FILIP1: variants seen among roughly 807,000 people sequenced by gnomAD.
The protein encoded by FILIP1 is filamin A interacting protein 1, also known as filamin-A-interacting protein 1.
In FILIP1, 61 loss-of-function variants were observed where a neutral mutation model predicts 102.1. That is an observed-to-expected ratio of 0.60 (90% CI 0.49 to 0.74). FILIP1 has a LOEUF of 0.74. Among genes scored for constraint, FILIP1 ranks in the 30% least tolerant of loss-of-function variants. The pLI, the probability that FILIP1 is intolerant of heterozygous loss-of-function variation, is 0.00. For synonymous variants in FILIP1, 491 were observed against 526.9 expected (o/e 0.93, Z 0.93); for missense variants, 1,314 against 1,441.2 (o/e 0.91, Z 1.43).
intron 2 of FILIP1, among the ~76,000 whole-genome samples, chr6:75,403,748 A>AT (rs1189393734): frequency 1.3e-5 from 2 of 152,138 alleles, no homozygotes; most frequent in Admixed American, 6.6e-5. Context: ...TAAGAGGGAG[A>AT]TTTTTCAGAC....
At chr6:75,434,106 G>C (rs1050022142) in intron 1 of FILIP1, among the ~76,000 whole-genome samples, 1 of 152,172 alleles carries the variant, frequency 6.6e-6, no homozygotes, top group South Asian at 2.1e-4. Context: ...GTAGTATAGT[G>C]TGAAGTCAGG....
At chr6:75,434,389 C>A (rs922900070) in intron 1 of FILIP1, among the ~76,000 whole-genome samples, 1 of 152,092 alleles carries the variant, frequency 6.6e-6, no homozygotes, top group Non-Finnish European at 1.5e-5. Context: ...TAGTTCTCCT[C>A]GAAGAGGTCC....
chr6:75,320,878 G>A (rs112074400), intron 4 of FILIP1, among the ~76,000 whole-genome samples: 111 of 152,310 alleles, frequency 7.3e-4, no homozygotes, highest in African/African-American at 2.5e-3. Context: ...GGCTGAGCAA[G>A]ATATCCCTTA....
intron 4 of FILIP1, among the ~76,000 whole-genome samples, chr6:75,334,489 G>C (rs1291153245): frequency 6.6e-6 from 1 of 152,096 alleles, no homozygotes; most frequent in East Asian, 1.9e-4. Flanking sequence ...GATTAGTCAG[G>C]GCTCTACAAA....
At chr6:75,385,578 T>C (rs1022139079) in intron 2 of FILIP1, 6 of 152,204 alleles carry the variant, frequency 3.9e-5, no homozygotes, top group Admixed American at 2.0e-4. Context: ...TCCTTTATCA[T>C]GTAATGCAAT....
At chr6:75,387,056 C>T (rs1352835490) in intron 2 of FILIP1, among the ~76,000 whole-genome samples, 4 of 152,102 alleles carry the variant, frequency 2.6e-5, no homozygotes, top group African/African-American at 9.6e-5. Flanking sequence ...GTGTGATGTT[C>T]CCCTCCCTGT....
At chr6:75,372,714 GAA>G (rs1562515309) in intron 2 of FILIP1, among the ~76,000 whole-genome samples, 2 of 15,466 alleles carry the variant, frequency 1.3e-4, no homozygotes, top group African/African-American at 6.5e-4. Flanking sequence ...AGAAAGAAAG[GAA>G]AGAAAGAGAA....
intron 4 of FILIP1, among the ~76,000 whole-genome samples, chr6:75,329,083 T>C (rs1773976785): frequency 1.3e-5 from 2 of 152,248 alleles, no homozygotes; most frequent in African/African-American, 4.8e-5. Flanking sequence ...TTTATCTTTC[T>C]TCTTATGGTC....
chr6:75,370,944 T>G (rs1035251930), intron 2 of FILIP1, among the ~76,000 whole-genome samples: 3 of 152,174 alleles, frequency 2.0e-5, no homozygotes, highest in Non-Finnish European at 2.9e-5. Flanking sequence ...AATAGTACAT[T>G]CCACCAGAAT....
intron 1 of FILIP1, among the ~76,000 whole-genome samples, chr6:75,439,411 T>C (rs1305702629): frequency 2.0e-5 from 3 of 152,038 alleles, no homozygotes; most frequent in East Asian, 1.9e-4. Flanking sequence ...ATGGTCATGA[T>C]TGGAGTGTGC....
At chr6:75,396,786 C>T (rs1258620934) in intron 2 of FILIP1, among the ~76,000 whole-genome samples, 2 of 152,196 alleles carry the variant, frequency 1.3e-5, no homozygotes, top group East Asian at 3.9e-4. Flanking sequence ...TTCCCATGCT[C>T]AACTCTTCAG....
intron 4 of FILIP1, among the ~76,000 whole-genome samples, chr6:75,335,539 T>G (rs1582362651): frequency 6.6e-6 from 1 of 152,034 alleles, no homozygotes; most frequent in East Asian, 1.9e-4. Flanking sequence ...CCTTTTTTCC[T>G]TCTCCCTGAG....
intron 1 of FILIP1, among the ~76,000 whole-genome samples, chr6:75,461,013 A>G (rs1582543407): frequency 1.3e-5 from 2 of 152,172 alleles, no homozygotes. Flanking sequence ...ATTGTTTACT[A>G]TAATAACCCA....
chr6:75,421,047 T>C (rs1777446739), intron 1 of FILIP1, among the ~76,000 whole-genome samples: 1 of 152,184 alleles, frequency 6.6e-6, no homozygotes, highest in South Asian at 2.1e-4. Flanking sequence ...CAAAAGCAAT[T>C]AGCAATATTT....
chr6:75,354,760 C>T (rs922033392), intron 3 of FILIP1, among the ~76,000 whole-genome samples: 2 of 152,106 alleles, frequency 1.3e-5, no homozygotes, highest in Non-Finnish European at 2.9e-5. Flanking sequence ...AAGCTCTATA[C>T]TCAGAAAGAG....
chr6:75,363,005 C>T, intron 2 of FILIP1, 88 bp from the exon 3 acceptor site: 1 of 1,320,834 alleles, frequency 7.6e-7, no homozygotes, highest in Non-Finnish European at 1.1e-6. Flanking sequence ...TTATTGAATA[C>T]ATCCCCATCT....
chr6:75,327,956 T>C (rs950460554), intron 4 of FILIP1, among the ~76,000 whole-genome samples: 70 of 152,214 alleles, frequency 4.6e-4, no homozygotes, highest in African/African-American at 1.6e-3. Flanking sequence ...TACTAATTAC[T>C]AGTTTAAAGG....
chr6:75,354,310 C>T (rs1357998955), intron 3 of FILIP1, among the ~76,000 whole-genome samples: 9 of 152,166 alleles, frequency 5.9e-5, no homozygotes, highest in East Asian at 1.9e-4. Context: ...TGGTGGCTCA[C>T]GCCTGTAATC....
intron 1 of FILIP1, among the ~76,000 whole-genome samples, chr6:75,424,816 GA>G (rs1359634705): frequency 2.6e-5 from 4 of 151,890 alleles, no homozygotes; most frequent in African/African-American, 7.3e-5. Flanking sequence ...TGCTGACAAA[GA>G]AAAAAAATTA....
Sources: allele counts gnomAD v4.1 joint callset (sites outside exome capture counted in the v4.1 genomes callset), GRCh38; gene constraint gnomAD v4.1.1; transcripts MANE v1.5; gene names NCBI Gene and HGNC (gene_info 2026-07-23, HGNC 2026-07-21).